The following RDH10 variants were observed in gnomAD, a reference collection of about 807,000 sequenced individuals.
RDH10 encodes the protein retinol dehydrogenase 10 (all-trans).
RDH10 carries 12 observed loss-of-function variants against 30.2 expected under a neutral mutation model. The ratio of observed to expected loss-of-function variants is 0.40; its 90% confidence interval spans 0.25 to 0.64. The LOEUF is 0.64. Ranked by LOEUF, RDH10 falls within the 30% of genes least tolerant of loss-of-function variation. The pLI is 0.43. For synonymous variants in RDH10, 189 were observed against 172.2 expected, an observed-to-expected ratio of 1.10 and a Z score of -0.76; for missense variants, 268 against 445.2, an observed-to-expected ratio of 0.60 and a Z score of 3.58.
intron 4 of RDH10, chr8:73,322,460 C>A (rs1052909648): frequency 4.3e-6 from 2 of 470,380 alleles, no homozygotes; most frequent in African/African-American, 2.0e-5. Flanking sequence ...AAAAGCAGAC[C>A]AATTTTGCTT....
chr8:73,317,578 C>T (rs1814695114), intron 2 of RDH10, among the ~76,000 whole-genome samples: 3 of 152,082 alleles, frequency 2.0e-5, no homozygotes, highest in African/African-American at 7.2e-5. Context: ...AGAAAAACAT[C>T]AGAATTAAGG....
intron 2 of RDH10, among the ~76,000 whole-genome samples, chr8:73,307,370 T>C (rs1190533790): frequency 6.6e-6 from 1 of 152,154 alleles, no homozygotes; most frequent in African/African-American, 2.4e-5. Flanking sequence ...CTAGGAGCCA[T>C]ACATAGTAAG....
At chr8:73,306,060 G>T (rs1211667028) in intron 2 of RDH10, among the ~76,000 whole-genome samples, 1 of 152,228 alleles carries the variant, frequency 6.6e-6, no homozygotes, top group South Asian at 2.1e-4. Context: ...GAAGATGGGG[G>T]TTTCTGATTT....
chr8:73,316,910 G>T (rs1439406760), intron 2 of RDH10, among the ~76,000 whole-genome samples: 1 of 152,082 alleles, frequency 6.6e-6, no homozygotes, highest in Non-Finnish European at 1.5e-5. Flanking sequence ...AACCATACAT[G>T]AAAAATCACT....
At position 73,317,486 on chromosome 8, in the gene RDH10, G is replaced by T. The variant is rs183706522; in HGVS notation, c.526-1610G>T. 5.0e-3 allele frequency among the ~76,000 whole-genome samples: 760 copies of T among 152,124 alleles called. 7 individuals carry two copies. Among genetic ancestry groups the T allele is most frequent in the African/African-American group, 0.017 (718 of 41,526 alleles). On this transcript the variant is annotated intron_variant, in intron 2 of 5. Transcript: ENST00000240285. ...AAACAGGGTGTGAGTTGGGAGTGGG[G>T]TACTACATGATGACTGGGGAAGACC...
intron 2 of RDH10, among the ~76,000 whole-genome samples, chr8:73,303,060 GTTAA>G (rs1814406372): frequency 1.3e-5 from 2 of 152,132 alleles, no homozygotes; most frequent in East Asian, 1.9e-4. Flanking sequence ...ATAATTGGTA[GTTAA>G]TTAATAGACC....
intron 4 of RDH10, 82 bp from the exon 5 acceptor site, chr8:73,322,597 C>A: frequency 8.9e-7 from 1 of 1,128,654 alleles, no homozygotes; most frequent in South Asian, 1.5e-5. Flanking sequence ...CAGATAACAT[C>A]ACTGTTAATG....
intron 2 of RDH10, among the ~76,000 whole-genome samples, chr8:73,307,884 T>C (rs1814490595): frequency 6.6e-6 from 1 of 152,240 alleles, no homozygotes; most frequent in South Asian, 2.1e-4. Context: ...CCCAGGAAGC[T>C]TGCTCTGTAG....
rs556672044 is a variant in RDH10 at position 73,297,211 on chromosome 8, G to A, written c.307G>A (p.Glu103Lys). The A allele has an allele frequency of 2.2e-5, 36 of 1,611,604 alleles. No individual in the cohort carries two copies. The South Asian group carries it at 4.0e-4, about 18-fold the overall frequency. ...AALQAGNGEE[E>K]ILPHCNLQVF... ...GAGGACAGCTGGGAATGGTGAGGAA[G>A]AAATTCTGCCCCACTGTAACTTGCA... The change falls in exon 2 of 6, where the codon GAA (glutamate) becomes AAA (lysine). Residue 103 changes from glutamate (E) to lysine (K), a missense_variant. Glu to Lys is a moderately conservative substitution (Grantham distance 56). Transcript: ENST00000240285.
intron 4 of RDH10, chr8:73,322,055 G>T: frequency 2.2e-6 from 1 of 453,034 alleles, no homozygotes; most frequent in Middle Eastern, 3.3e-4. Flanking sequence ...GTTTCCTCCA[G>T]TGTAGCATAG....
At chr8:73,297,801 A>G (rs924796310) in intron 2 of RDH10, 4 of 224,950 alleles carry the variant, frequency 1.8e-5, no homozygotes, top group African/African-American at 2.2e-5. Flanking sequence ...TTAGGCTTCC[A>G]AATTACTGCT....
In RDH10 at chr8:73,295,094, G is replaced by C. The variant is rs1325081021; in HGVS notation, c.-196G>C. 8.1e-6 allele frequency: 3 copies of C among 369,996 alleles called. No individual in the cohort carries two copies. Among genetic ancestry groups the C allele is most frequent in the Non-Finnish European group, 1.4e-5 (3 of 215,262 alleles). The allele number at this position is 369,996 out of a possible 1,614,324, so 22.9% of individuals were successfully genotyped here. On this transcript the variant is annotated 5_prime_UTR_variant, in exon 1 of 6. Transcript: ENST00000240285. ...AGTCCGGGGCCACAGCGCCGAGCCCGGGCGGGAGTGGCCCCGCGCAGGCAG... is the reference window on the plus strand; with the variant it reads ...AGTCCGGGGCCACAGCGCCGAGCCCCGGCGGGAGTGGCCCCGCGCAGGCAG...
At chr8:73,301,112 G>A (rs1399007524) in intron 2 of RDH10, among the ~76,000 whole-genome samples, 5 of 134,318 alleles carry the variant, frequency 3.7e-5, no homozygotes, top group South Asian at 2.4e-4. Context: ...GTGCAGTGGC[G>A]CGATCTCGGC....
At chr8:73,297,729 A>C (rs185507007) in intron 2 of RDH10, 1 of 275,530 alleles carries the variant, frequency 3.6e-6, no homozygotes. Flanking sequence ...GGGTTTGTTT[A>C]TTTTACTTTC....
chr8:73,315,867 T>A (rs1488062330), intron 2 of RDH10, among the ~76,000 whole-genome samples: 1 of 152,258 alleles, frequency 6.6e-6, no homozygotes, highest in East Asian at 1.9e-4. Context: ...TTAAGTTTAT[T>A]GCTGTCTTCC....
At chr8:73,309,641 C>T (rs974238101) in intron 2 of RDH10, among the ~76,000 whole-genome samples, 22 of 147,570 alleles carry the variant, frequency 1.5e-4, no homozygotes, top group African/African-American at 2.8e-4. Context: ...TTTCCAGCCC[C>T]AAATATATTC....
chr8:73,308,506 G>A (rs1814501915), intron 2 of RDH10, among the ~76,000 whole-genome samples: 1 of 152,218 alleles, frequency 6.6e-6, no homozygotes, highest in Non-Finnish European at 1.5e-5. Flanking sequence ...AAGCCAGTGA[G>A]GTAAGTGCCA....
At chr8:73,300,978 G>A (rs975046813) in intron 2 of RDH10, among the ~76,000 whole-genome samples, 4 of 151,486 alleles carry the variant, frequency 2.6e-5, no homozygotes, top group African/African-American at 9.7e-5. Context: ...TAGATGGCAA[G>A]CTGTCTGAAG....
intron 2 of RDH10, among the ~76,000 whole-genome samples, chr8:73,309,530 C>T (rs895499877): frequency 6.7e-6 from 1 of 149,696 alleles, no homozygotes; most frequent in African/African-American, 2.5e-5. Context: ...AAAGGTACTT[C>T]TTAATTTCAT....
Sources: gnomAD v4.1 joint callset for allele counts (sites outside exome capture counted in the v4.1 genomes callset) on GRCh38, gnomAD v4.1.1 for gene constraint, MANE v1.5 for transcripts, NCBI Gene and HGNC (gene_info 2026-07-23, HGNC 2026-07-21) for gene names.